CNTNAP3: variants seen among roughly 807,000 people sequenced by gnomAD.
The protein encoded by CNTNAP3 is contactin associated protein family member 3, also known as contactin-associated protein-like 3.
CNTNAP3 carries 36 observed loss-of-function variants against 92.1 expected under a neutral mutation model. That is an observed-to-expected ratio of 0.39 (90% CI 0.30 to 0.52). The LOEUF is 0.52. Ranked by LOEUF, CNTNAP3 falls within the 20% of genes least tolerant of loss-of-function variation. The pLI is 0.76. For missense variants in CNTNAP3, 534 were observed against 1,069.6 expected (o/e 0.50, Z 6.98); for synonymous variants, 232 against 422.3 (o/e 0.55, Z 5.53).
chr9:39,153,223 T>C (rs1293860974), intron 9 of CNTNAP3, among the ~76,000 whole-genome samples: 1 of 1,254 alleles, frequency 8.0e-4, no homozygotes, highest in Non-Finnish European at 2.1e-3. Context: ...AATGCAATGT[T>C]GCCACAAGTT....
At chr9:39,134,843 G>A (rs1472446061) in intron 12 of CNTNAP3, among the ~76,000 whole-genome samples, 2 of 152,200 alleles carry the variant, frequency 1.3e-5, no homozygotes, top group African/African-American at 4.8e-5. Context: ...ACTAAGTTGG[G>A]CATTGAAGAT....
intron 9 of CNTNAP3, 114 bp from the exon 10 acceptor site, chr9:39,150,091 G>A (rs542058161): frequency 0.045 from 31,453 of 696,100 alleles, 852 homozygotes; most frequent in Non-Finnish European, 0.059. Flanking sequence ...GGTATGATGC[G>A]ATGAGCTTCA....
chr9:39,118,001 T>G (rs1384895086), intron 14 of CNTNAP3, 102 bp downstream of exon 14: 3 of 1,590,376 alleles, frequency 1.9e-6, no homozygotes, highest in Non-Finnish European at 2.6e-6. Flanking sequence ...TTGAACATAC[T>G]TTAGTTACCT....
At chr9:39,122,454 T>G (rs1389876595) in intron 13 of CNTNAP3, among the ~76,000 whole-genome samples, 1 of 152,182 alleles carries the variant, frequency 6.6e-6, no homozygotes, top group East Asian at 1.9e-4. Flanking sequence ...ATTACCTGTA[T>G]AGTAACAGGA....
chr9:39,126,481 A>G (rs866238375), intron 13 of CNTNAP3, among the ~76,000 whole-genome samples: 36 of 152,250 alleles, frequency 2.4e-4, no homozygotes, highest in Admixed American at 2.0e-4. Flanking sequence ...CAAACCAGCA[A>G]AACCTTACAA....
At chr9:39,089,533 T>C (rs1211751842) in intron 18 of CNTNAP3, among the ~76,000 whole-genome samples, 1 of 152,220 alleles carries the variant, frequency 6.6e-6, no homozygotes, top group Non-Finnish European at 1.5e-5. Context: ...AATTCACGTG[T>C]AAGTTTTTCT....
In CNTNAP3 at chr9:39,068,070, G is replaced by A. The variant is rs959221673; in HGVS notation, c.*5820C>T. The stretch of plus-strand genomic sequence containing the variant: ...CTTTTTGTGTAAAGCCCAGATATAC[G>A]TATAGTACTAAAGAGATATGCAGTG... On this transcript the variant is annotated 3_prime_UTR_variant, in exon 24 of 24. Coordinates refer to ENST00000297668, the MANE Select transcript of CNTNAP3 (RefSeq NM_033655.5). Among the ~76,000 whole-genome samples, 44 of 152,318 alleles carry A rather than the reference G, an allele frequency of 2.9e-4. No individual in the cohort carries two copies. Among genetic ancestry groups the A allele is most frequent in the African/African-American group, 8.9e-4 (37 of 41,500 alleles).
chr9:39,103,823 G>C lies in CNTNAP3; in HGVS notation c.2457C>G (p.Phe819Leu). Residue 819 changes from phenylalanine (F) to leucine (L), a missense_variant, in exon 16 of 24, where the codon TTC becomes TTG. Coordinates refer to ENST00000297668, the MANE Select transcript of CNTNAP3 (RefSeq NM_033655.5). ...CGGAGGAAACTGTGGTCTTAAAAAA[G>C]AAGCACACGTCAGCAGTGAGTTCTC... ...FHGELTADVCFFFKTTVSSGV... is the reference protein window; with the variant it reads ...FHGELTADVCLFFKTTVSSGV... 6.2e-7 allele frequency: 1 copy of C among 1,611,254 alleles called. No homozygotes were observed. The highest frequency in any genetic ancestry group is 8.5e-7 in the Non-Finnish European group (1 of 1,179,708).
rs1826418039 is a variant in CNTNAP3 at position 39,100,027 on chromosome 9, C to T, written c.2879G>A (p.Gly960Glu). The T allele has an allele frequency of 6.3e-7, 1 of 1,587,786 alleles. No homozygotes were observed. Among genetic ancestry groups the T allele is most frequent in the South Asian group, 1.1e-5 (1 of 88,178 alleles). ...VTPGVEPGCAGHCSTYGHLCR... is the reference protein window; with the variant it reads ...VTPGVEPGCAEHCSTYGHLCR... ...CAAGTGTCCATAGGTGCTGCAGTGT[C>T]CTGCACACCCTGGCTCCACTCCTGG... is the stretch of plus-strand genomic sequence containing the variant. Residue 960 changes from glycine (G) to glutamate (E), a missense_variant, in exon 18 of 24, where the codon GGA (glycine) becomes GAA (glutamate). Transcript: ENST00000297668.
At chr9:39,106,671 C>G (rs575427123) in intron 15 of CNTNAP3, 1 of 152,168 alleles carries the variant, frequency 6.6e-6, no homozygotes, top group Non-Finnish European at 1.5e-5. Context: ...AATACAGCCA[C>G]GTTTGGAGAG....
chr9:39,143,730 G>A (rs1286862389), intron 11 of CNTNAP3, among the ~76,000 whole-genome samples: 1 of 152,138 alleles, frequency 6.6e-6, no homozygotes, highest in African/African-American at 2.4e-5. Flanking sequence ...AGGTCCTCTA[G>A]TTTCTAGCTG....
intron 14 of CNTNAP3, among the ~76,000 whole-genome samples, chr9:39,111,366 A>G (rs1457408841): frequency 2.0e-5 from 3 of 152,240 alleles, no homozygotes; most frequent in Admixed American, 2.0e-4. Context: ...AAACTAAAAT[A>G]AAGTGGCTAT....
chr9:39,141,843 T>A (rs564414439), intron 11 of CNTNAP3, among the ~76,000 whole-genome samples: 1 of 152,220 alleles, frequency 6.6e-6, no homozygotes. Context: ...AATGTACACA[T>A]GTATTAATGT....
At chr9:39,116,983 TATTA>T (rs1031174809) in intron 14 of CNTNAP3, among the ~76,000 whole-genome samples, 3 of 145,462 alleles carry the variant, frequency 2.1e-5, no homozygotes, top group Non-Finnish European at 4.6e-5. Context: ...ATTTTTTATT[TATTA>T]ATTATTATTA....
chr9:39,089,886 C>T (rs892779200), intron 18 of CNTNAP3, among the ~76,000 whole-genome samples: 2 of 152,022 alleles, frequency 1.3e-5, no homozygotes, highest in Admixed American at 1.3e-4. Flanking sequence ...TAAGCTTTAC[C>T]TATTATTTAA....
In CNTNAP3 at chr9:39,105,156, A is replaced by G. The variant is rs528471715; in HGVS notation, c.2366-1242T>C. ...GAAATAGCTTTTCTCGGCTAGGTGC[A>G]GTGGCTCACGCCTGTAACCCCAGCA... On this transcript the variant is annotated intron_variant, in intron 15 of 23. Transcript: ENST00000297668. 1.3e-3 allele frequency among the ~76,000 whole-genome samples: 204 copies of G among 152,274 alleles called. 1 individual carries two copies. Among genetic ancestry groups the G allele is most frequent in the Middle Eastern group, 6.8e-3 (2 of 294 alleles).
At chr9:39,140,938 A>G (rs1344343201) in intron 11 of CNTNAP3, among the ~76,000 whole-genome samples, 1 of 152,208 alleles carries the variant, frequency 6.6e-6, no homozygotes, top group Admixed American at 6.5e-5. Context: ...AGAAGGAAAG[A>G]TTGTGTTGGT....
intron 18 of CNTNAP3, among the ~76,000 whole-genome samples, chr9:39,091,171 CT>C (rs201329360): frequency 9.4e-4 from 121 of 128,466 alleles, no homozygotes; most frequent in Admixed American, 1.5e-3. Context: ...TTTTCTTCTT[CT>C]TTTTTTTTTT....
intron 20 of CNTNAP3, chr9:39,086,452 T>C: frequency 6.9e-6 from 2 of 291,296 alleles, no homozygotes; most frequent in Middle Eastern, 9.7e-4. Flanking sequence ...GTAAAACAAA[T>C]AGATATTTTG....
Sources: allele counts gnomAD v4.1 joint callset (sites outside exome capture counted in the v4.1 genomes callset), GRCh38; gene constraint gnomAD v4.1.1; transcripts MANE v1.5; gene names NCBI Gene and HGNC (gene_info 2026-07-23, HGNC 2026-07-21).